EPHA5: variants seen among roughly 807,000 people sequenced by gnomAD.
The protein encoded by EPHA5 is ephrin type-A receptor 5.
A neutral mutation model predicts 105.0 loss-of-function variants in EPHA5; 60 were observed. The ratio of observed to expected loss-of-function variants is 0.57; its 90% CI spans 0.46 to 0.71. The LOEUF is 0.71. Ranked by LOEUF, EPHA5 falls within the 30% of genes least tolerant of loss-of-function variation. The pLI, the probability that EPHA5 is intolerant of heterozygous loss-of-function variation, is 0.00. For missense variants in EPHA5, 1,218 were observed against 1,274.7 expected (o/e 0.96, Z 0.68); for synonymous variants, 513 against 449.1 (o/e 1.14, Z -1.80).
intron 3 of EPHA5, among the ~76,000 whole-genome samples, chr4:65,541,348 A>G (rs1467808286): frequency 6.6e-6 from 1 of 151,782 alleles, no homozygotes; most frequent in Non-Finnish European, 1.5e-5. Context: ...GCAGTATTCA[A>G]GAGACCCAAC....
At chr4:65,590,753 A>G (rs1027628047) in intron 3 of EPHA5, among the ~76,000 whole-genome samples, 3 of 152,170 alleles carry the variant, frequency 2.0e-5, no homozygotes, top group African/African-American at 7.2e-5. Context: ...TAACCCATCC[A>G]TGGGGTACAC....
chr4:65,388,656 G>C (rs1263474911), intron 8 of EPHA5, among the ~76,000 whole-genome samples: 1 of 110,664 alleles, frequency 9.0e-6, no homozygotes, highest in African/African-American at 3.5e-5. Context: ...CCCACTTTTT[G>C]ATGGGGTTGT....
At chr4:65,536,140 CT>C (rs921544327) in intron 3 of EPHA5, among the ~76,000 whole-genome samples, 1 of 151,838 alleles carries the variant, frequency 6.6e-6, no homozygotes, top group Non-Finnish European at 1.5e-5. Context: ...TTTAATGACT[CT>C]TTAGTAACAT....
intron 8 of EPHA5, among the ~76,000 whole-genome samples, chr4:65,391,421 G>T (rs936739506): frequency 3.9e-5 from 6 of 152,078 alleles, no homozygotes; most frequent in African/African-American, 1.4e-4. Flanking sequence ...ACCTTATAAA[G>T]CACAGATCTT....
chr4:65,640,047 T>C (rs1747500149), intron 2 of EPHA5, among the ~76,000 whole-genome samples: 1 of 152,170 alleles, frequency 6.6e-6, no homozygotes, highest in South Asian at 2.1e-4. Context: ...GCATCTTCAG[T>C]ACAAAGTCTA....
At chr4:65,389,344 A>G (rs976481567) in intron 8 of EPHA5, among the ~76,000 whole-genome samples, 3 of 152,080 alleles carry the variant, frequency 2.0e-5, no homozygotes, top group African/African-American at 7.2e-5. Flanking sequence ...TAACATTAAT[A>G]TAAAAAGTAC....
intron 3 of EPHA5, among the ~76,000 whole-genome samples, chr4:65,519,430 G>T (rs1734448532): frequency 6.6e-6 from 1 of 151,984 alleles, no homozygotes; most frequent in South Asian, 2.1e-4. Flanking sequence ...CATACTGAAA[G>T]GGCAAAAACG....
chr4:65,607,276 A>T (rs1356865487), intron 2 of EPHA5, among the ~76,000 whole-genome samples: 1 of 152,050 alleles, frequency 6.6e-6, no homozygotes, highest in African/African-American at 2.4e-5. Context: ...TGGGCAAATA[A>T]TTCATAACTA....
At chr4:65,349,710 T>C (rs2148849481) in intron 13 of EPHA5, among the ~76,000 whole-genome samples, 1 of 152,280 alleles carries the variant, frequency 6.6e-6, no homozygotes, top group Non-Finnish European at 1.5e-5. Context: ...TCTTTAGATA[T>C]ATGGTAACAT....
intron 10 of EPHA5, among the ~76,000 whole-genome samples, chr4:65,365,649 CTATATATATATATATATATATATATATA>C (rs57048004): frequency 1.5e-5 from 1 of 64,852 alleles, no homozygotes; most frequent in Non-Finnish European, 3.5e-5. Flanking sequence ...TACAAATTCA[CTATATATATATATATATATATATATATA>C]TATATATATA....
chr4:65,571,556 A>G (rs1740183120), intron 3 of EPHA5, among the ~76,000 whole-genome samples: 1 of 152,088 alleles, frequency 6.6e-6, no homozygotes, highest in Non-Finnish European at 1.5e-5. Context: ...AAAAGATTGA[A>G]AGAAAAGAGG....
At chr4:65,666,334 G>A (rs990919193) in intron 1 of EPHA5, among the ~76,000 whole-genome samples, 5 of 152,256 alleles carry the variant, frequency 3.3e-5, no homozygotes, top group Admixed American at 2.0e-4. Flanking sequence ...GATTCACTGC[G>A]GGTGAATCAT....
chr4:65,377,065 T>C (rs2148920315), intron 8 of EPHA5: 4 of 1,607,958 alleles, frequency 2.5e-6, no homozygotes, highest in Non-Finnish European at 3.4e-6. Flanking sequence ...TCGCAGCAAC[T>C]GAAAAGCAAA....
At chr4:65,360,272 C>T (rs1717147914) in intron 11 of EPHA5, among the ~76,000 whole-genome samples, 1 of 151,680 alleles carries the variant, frequency 6.6e-6, no homozygotes, top group Admixed American at 6.6e-5. Flanking sequence ...AAGGCAGAAA[C>T]TCAGTCGGTT....
intron 5 of EPHA5, among the ~76,000 whole-genome samples, chr4:65,449,115 A>T (rs76644421): frequency 6.6e-6 from 1 of 152,134 alleles, no homozygotes; most frequent in Non-Finnish European, 1.5e-5. Context: ...AAAAACAATA[A>T]AAATTACTAC....
intron 1 of EPHA5, among the ~76,000 whole-genome samples, chr4:65,669,109 G>T (rs2149568727): frequency 6.6e-6 from 1 of 151,960 alleles, no homozygotes; most frequent in Non-Finnish European, 1.5e-5. Context: ...CCCATCACTG[G>T]CCTCAAATAA....
chr4:65,394,129 T>C (rs994291106), intron 8 of EPHA5, among the ~76,000 whole-genome samples: 3 of 152,228 alleles, frequency 2.0e-5, no homozygotes, highest in Non-Finnish European at 2.9e-5. Flanking sequence ...ATTTACTGGA[T>C]ATACCTGTCC....
At chr4:65,483,172 C>T (rs1258241950) in intron 5 of EPHA5, among the ~76,000 whole-genome samples, 4 of 152,116 alleles carry the variant, frequency 2.6e-5, no homozygotes, top group Admixed American at 2.0e-4. Context: ...CATCCATGTC[C>T]CTACAAAGGA....
intron 9 of EPHA5, 111 bp downstream of exon 9, chr4:65,367,236 TAAAAAAAAAA>T: frequency 1.5e-6 from 1 of 664,634 alleles, no homozygotes. Flanking sequence ...AGAACACTTT[TAAAAAAAAAA>T]AAAACAATAT....
Sources: gnomAD v4.1 joint callset for allele counts (sites outside exome capture counted in the v4.1 genomes callset) on GRCh38, gnomAD v4.1.1 for gene constraint, MANE v1.5 for transcripts, NCBI Gene and HGNC (gene_info 2026-07-23, HGNC 2026-07-21) for gene names.